DPYSL3: variants seen among roughly 807,000 people sequenced by gnomAD.
The protein encoded by DPYSL3 is dihydropyrimidinase like 3.
DPYSL3 carries 16 observed loss-of-function variants against 66.1 expected under a neutral mutation model. The observed-to-expected ratio is 0.24, with a 90% CI of 0.16 to 0.37. The LOEUF (loss-of-function observed/expected upper bound fraction) is 0.37. Ranked by LOEUF, DPYSL3 falls within the 10% of genes least tolerant of loss-of-function variation. The pLI, the probability that DPYSL3 is intolerant of heterozygous loss-of-function variation, is 1.00. For synonymous variants in DPYSL3, 338 were observed against 345.1 expected, an observed-to-expected ratio of 0.98 and a Z score of 0.23; for missense variants, 738 against 916.2, an observed-to-expected ratio of 0.81 and a Z score of 2.51.
intron 1 of DPYSL3, among the ~76,000 whole-genome samples, chr5:147,484,510 G>A (rs1207996164): frequency 6.6e-6 from 1 of 152,146 alleles, no homozygotes; most frequent in Non-Finnish European, 1.5e-5. Context: ...TGGTTTTCAT[G>A]GAGCTTTTCC....
chr5:147,487,691 C>T (rs1452873670), intron 1 of DPYSL3, among the ~76,000 whole-genome samples: 1 of 152,108 alleles, frequency 6.6e-6, no homozygotes, highest in Non-Finnish European at 1.5e-5. Context: ...TGAACAGGTA[C>T]CTTATTGTTT....
chr5:147,391,193 T>C lies in DPYSL3; in HGVS notation c.*2842A>G, dbSNP rs1363631200. ...AGGGCTTCTCAGGGATGAGTGAAAA[T>C]CCAGGCTCAGGTGTCAGCCCTTTGT... On this transcript the variant is annotated 3_prime_UTR_variant, in exon 14 of 14. Transcript: ENST00000343218. 1 of 152,452 alleles carries C rather than the reference T, an allele frequency of 6.6e-6. No individual in the cohort carries two copies. Among genetic ancestry groups the C allele is most frequent in the Non-Finnish European group, 1.5e-5 (1 of 68,032 alleles). 9.4% of individuals were successfully genotyped at this position (152,452 alleles called of 1,614,324 possible). A position where few individuals can be genotyped will look rare whatever the true frequency, so the allele number is the denominator to read the frequency against.
chr5:147,459,282 G>A (rs1291743028), intron 1 of DPYSL3, among the ~76,000 whole-genome samples: 1 of 151,972 alleles, frequency 6.6e-6, no homozygotes. Flanking sequence ...CCTTGGTCCT[G>A]ATTTGAAAAA....
chr5:147,435,115 G>C (rs866863095), intron 1 of DPYSL3, among the ~76,000 whole-genome samples: 29 of 150,298 alleles, frequency 1.9e-4, no homozygotes, highest in Admixed American at 4.6e-4. Context: ...GTGGGGGGAA[G>C]AGAGAGAGAG....
In DPYSL3 at chr5:147,407,141, C is replaced by A. The variant is rs539170071; in HGVS notation, c.1033-1411G>T. On this transcript the variant is annotated intron_variant, in intron 7 of 13. Coordinates refer to ENST00000343218, the MANE Select transcript of DPYSL3 (RefSeq NM_001197294.2). ...GCTCCTCCTATGATCACTCCTCCCA[C>A]TTCACACCCATGCTGACCACTTCAG... Among the ~76,000 whole-genome samples, 52 of 152,128 alleles carry A rather than the reference C, an allele frequency of 3.4e-4. 1 individual carries two copies. Among genetic ancestry groups the A allele is most frequent in the Non-Finnish European group, 6.3e-4 (43 of 68,014 alleles).
intron 1 of DPYSL3, among the ~76,000 whole-genome samples, chr5:147,450,531 A>C (rs1026813081): frequency 1.3e-5 from 2 of 152,152 alleles, no homozygotes; most frequent in African/African-American, 2.4e-5. Flanking sequence ...GGGGACAATG[A>C]AGATCTGAAG....
chr5:147,433,759 C>A (rs370303437), intron 1 of DPYSL3, among the ~76,000 whole-genome samples: 2 of 152,158 alleles, frequency 1.3e-5, no homozygotes, highest in African/African-American at 2.4e-5. Flanking sequence ...CCTGGCCAGG[C>A]GCAGTGGCTC....
At chr5:147,414,664 C>T (rs770844923) in intron 4 of DPYSL3, among the ~76,000 whole-genome samples, 2 of 152,144 alleles carry the variant, frequency 1.3e-5, no homozygotes, top group African/African-American at 2.4e-5. Flanking sequence ...TTTTCTACGC[C>T]GGTTGAGATG....
At chr5:147,406,946 G>C (rs79330099) in intron 7 of DPYSL3, among the ~76,000 whole-genome samples, 3,077 of 152,244 alleles carry the variant, frequency 0.02, 100 homozygotes, top group African/African-American at 0.07. Flanking sequence ...GCACTTTATT[G>C]CATGTGGATG....
At chr5:147,397,442 G>A (rs965898064) in intron 12 of DPYSL3, among the ~76,000 whole-genome samples, 38 of 152,076 alleles carry the variant, frequency 2.5e-4, no homozygotes, top group African/African-American at 8.9e-4. Flanking sequence ...CTATAAAAAT[G>A]TGGGAAAAGT....
At chr5:147,404,619 C>T (rs1332081081) in intron 8 of DPYSL3, among the ~76,000 whole-genome samples, 1 of 152,314 alleles carries the variant, frequency 6.6e-6, no homozygotes, top group Admixed American at 6.5e-5. Context: ...GTCCCTTACC[C>T]AGCCTCACAA....
intron 1 of DPYSL3, among the ~76,000 whole-genome samples, chr5:147,471,500 T>G (rs952674796): frequency 6.6e-6 from 1 of 152,158 alleles, no homozygotes; most frequent in Non-Finnish European, 1.5e-5. Context: ...GATTTTCTCT[T>G]GGTCCCAATT....
chr5:147,434,461 C>G (rs569079583), intron 1 of DPYSL3, among the ~76,000 whole-genome samples: 1 of 152,316 alleles, frequency 6.6e-6, no homozygotes, highest in South Asian at 2.1e-4. Flanking sequence ...CCTTGAGCCC[C>G]TGGGCCTGTG....
chr5:147,410,691 T>A (rs1751834603), intron 6 of DPYSL3, among the ~76,000 whole-genome samples: 1 of 152,212 alleles, frequency 6.6e-6, no homozygotes, highest in Admixed American at 6.5e-5. Flanking sequence ...AACTTGAAAT[T>A]CTTGAAAATC....
At chr5:147,438,547 G>C (rs533072275) in intron 1 of DPYSL3, among the ~76,000 whole-genome samples, 8 of 152,304 alleles carry the variant, frequency 5.3e-5, no homozygotes, top group African/African-American at 1.9e-4. Context: ...TTAACATTAT[G>C]GGAATACATT....
At chr5:147,441,511 A>T (rs1235392901) in intron 1 of DPYSL3, among the ~76,000 whole-genome samples, 1 of 152,162 alleles carries the variant, frequency 6.6e-6, no homozygotes, top group Non-Finnish European at 1.5e-5. Flanking sequence ...GTTGTAAGGT[A>T]CTGAGGGTTA....
intron 5 of DPYSL3, among the ~76,000 whole-genome samples, 171 bp downstream of exon 5, chr5:147,413,425 G>A (rs927704774): frequency 7.2e-5 from 11 of 152,256 alleles, no homozygotes; most frequent in Admixed American, 4.6e-4. Flanking sequence ...TGGGCACCCT[G>A]CCTGTTACCT....
intron 1 of DPYSL3, among the ~76,000 whole-genome samples, chr5:147,460,609 A>G (rs182578964): frequency 1.8e-3 from 274 of 152,268 alleles, no homozygotes; most frequent in Middle Eastern, 0.01. Context: ...AAAGAGAGGG[A>G]GTTGTGTTAA....
intron 1 of DPYSL3, among the ~76,000 whole-genome samples, chr5:147,437,894 T>C (rs900707319): frequency 2.0e-5 from 3 of 152,228 alleles, no homozygotes; most frequent in Admixed American, 1.3e-4. Flanking sequence ...CTTTAGAAGC[T>C]AGAATCTCCC....
Sources: gnomAD v4.1 joint callset for allele counts (sites outside exome capture counted in the v4.1 genomes callset) on GRCh38, gnomAD v4.1.1 for gene constraint, MANE v1.5 for transcripts, NCBI Gene and HGNC (gene_info 2026-07-23, HGNC 2026-07-21) for gene names.